The following ANO1 variants were observed in gnomAD, a reference collection of about 807,000 sequenced individuals.
The protein encoded by ANO1 is anoctamin-1.
A neutral mutation model predicts 124.0 loss-of-function variants in ANO1; 59 were observed. The observed-to-expected ratio is 0.48, with a 90% CI of 0.39 to 0.59. The LOEUF (loss-of-function observed/expected upper bound fraction) is 0.59. Among genes scored for constraint, ANO1 ranks in the 20% least tolerant of loss-of-function variants. ANO1 has a pLI of 0.00. For missense variants in ANO1, 1,059 were observed against 1,328.0 expected (o/e 0.80, Z 3.15); for synonymous variants, 529 against 532.0 (o/e 0.99, Z 0.08).
At chr11:70,046,077 G>A (rs1857255961) in intron 1 of ANO1, among the ~76,000 whole-genome samples, 1 of 152,146 alleles carries the variant, frequency 6.6e-6, no homozygotes, top group Admixed American at 6.5e-5. Flanking sequence ...GGGCTGCAGA[G>A]GGATGAGCAA....
rs546779490 is a variant in ANO1, at chr11:70,165,323, C to T, written c.1951-147C>T. On this transcript the variant is annotated intron_variant, in intron 19 of 25. Coordinates refer to ENST00000355303, the MANE Select transcript of ANO1 (RefSeq NM_018043.7). Reference sequence around the variant, plus strand: ...AAGACCCTTTTTGCAAATAAGGCCACGTTCCCAGGTGGCGGGGATTAGAAC... The same window carrying T: ...AAGACCCTTTTTGCAAATAAGGCCATGTTCCCAGGTGGCGGGGATTAGAAC... 2.7e-5 allele frequency: 18 copies of T among 669,968 alleles called. No individual in the cohort carries two copies. The South Asian group carries it at 2.9e-4, about 11-fold the overall frequency. The allele number at this position is 669,968 out of a possible 1,614,324, so 41.5% of individuals were successfully genotyped here.
At chr11:70,065,218 C>T (rs1448240697) in intron 1 of ANO1, 1 of 152,324 alleles carries the variant, frequency 6.6e-6, no homozygotes, top group African/African-American at 2.4e-5. Flanking sequence ...AGCAGGTTGC[C>T]TTTGAGCCGG....
chr11:69,986,765 G>A (rs868967613), intron 1 of ANO1, among the ~76,000 whole-genome samples: 1 of 152,100 alleles, frequency 6.6e-6, no homozygotes, highest in East Asian at 1.9e-4. Flanking sequence ...GGATATTTTT[G>A]TACCAATAAT....
chr11:69,975,412 T>C, the ANO1 span, among the ~76,000 whole-genome samples: 5 of 152,296 alleles, frequency 3.3e-5, no homozygotes, highest in South Asian at 1.0e-3. Flanking sequence ...GTGGACCCAC[T>C]AACAGCCACA....
At chr11:70,174,835 C>T (rs554845719) in intron 22 of ANO1, among the ~76,000 whole-genome samples, 3 of 152,138 alleles carry the variant, frequency 2.0e-5, no homozygotes, top group East Asian at 3.9e-4. Context: ...CTGCAGTCCT[C>T]GGAAATTCTG....
At chr11:70,099,953 G>A (rs966668238) in intron 2 of ANO1, among the ~76,000 whole-genome samples, 4 of 152,134 alleles carry the variant, frequency 2.6e-5, no homozygotes, top group African/African-American at 4.8e-5. Flanking sequence ...TCATCTTGCC[G>A]GAGCCCCTGG....
chr11:70,122,185 G>C (rs1424022205), intron 8 of ANO1, among the ~76,000 whole-genome samples: 7 of 75,604 alleles, frequency 9.3e-5, no homozygotes, highest in African/African-American at 1.1e-4. Context: ...CTCTCTGTCT[G>C]TCTTTCTGTC....
chr11:70,131,446 GCCTCCC>G (rs2046755332), intron 10 of ANO1, among the ~76,000 whole-genome samples: 1 of 152,130 alleles, frequency 6.6e-6, no homozygotes, highest in Admixed American at 6.5e-5. Flanking sequence ...TTCTGCCTCA[GCCTCCC>G]GAGTAGCTGG....
chr11:70,084,418 C>T (rs192794917), intron 1 of ANO1, among the ~76,000 whole-genome samples: 3 of 152,126 alleles, frequency 2.0e-5, no homozygotes, highest in Admixed American at 6.5e-5. Flanking sequence ...GGTGCCTGGC[C>T]CCAGAATTAG....
chr11:70,175,990 C>T (rs961028215), intron 22 of ANO1, among the ~76,000 whole-genome samples: 20 of 152,130 alleles, frequency 1.3e-4, no homozygotes, highest in Non-Finnish European at 2.6e-4. Flanking sequence ...ACACAGCCCT[C>T]AGGAGGTCCT....
chr11:70,011,461 C>G (rs537479777), intron 1 of ANO1, among the ~76,000 whole-genome samples: 3 of 152,290 alleles, frequency 2.0e-5, no homozygotes, highest in African/African-American at 7.2e-5. Context: ...TTCCCACACA[C>G]CCAGGTACTC....
intron 24 of ANO1, among the ~76,000 whole-genome samples, chr11:70,184,865 G>A (rs1419578067): frequency 2.6e-5 from 4 of 152,100 alleles, no homozygotes; most frequent in Non-Finnish European, 1.5e-5. Context: ...TCCCACCTCA[G>A]CCTCCCGAGT....
At chr11:70,019,260 C>T in intron 1 of ANO1, among the ~76,000 whole-genome samples, 1 of 134,506 alleles carries the variant, frequency 7.4e-6, no homozygotes, top group South Asian at 2.5e-4. Flanking sequence ...CACACACACA[C>T]ACATTCACTC....
chr11:70,118,576 AGATGGATG>A (rs56391691), intron 8 of ANO1, among the ~76,000 whole-genome samples: 57 of 138,256 alleles, frequency 4.1e-4, no homozygotes, highest in East Asian at 1.8e-3. Context: ...ATGGATGGAT[AGATGGATG>A]GATGGATGGA....
At chr11:69,995,280 G>T (rs1554998232) in intron 1 of ANO1, among the ~76,000 whole-genome samples, 1 of 151,938 alleles carries the variant, frequency 6.6e-6, no homozygotes. Context: ...TGTATTTTTA[G>T]TAGAGATGGG....
chr11:70,103,176 T>C lies in ANO1; in HGVS notation c.540+12T>C, dbSNP rs377194773. The C allele has an allele frequency of 1.2e-6, 2 of 1,602,976 alleles. No homozygotes were observed. Among genetic ancestry groups the C allele is most frequent in the Non-Finnish European group, 1.7e-6 (2 of 1,174,226 alleles). On this transcript the variant is annotated intron_variant, in intron 3 of 25. Transcript: ENST00000355303. ...TGCCGACGAAGAAGGTTGGTGTTGA[T>C]GGTCCTGCTCCGAAATGAATCGCCA...
chr11:69,982,414 C>T (rs1379481733), upstream of ANO1, among the ~76,000 whole-genome samples: 2 of 152,220 alleles, frequency 1.3e-5, no homozygotes, highest in Admixed American at 1.3e-4. Context: ...CCGGTTGCCC[C>T]AGGGCAGGGG....
chr11:70,143,697 G>A (rs1174390864), intron 11 of ANO1, among the ~76,000 whole-genome samples: 2 of 152,078 alleles, frequency 1.3e-5, no homozygotes, highest in African/African-American at 4.8e-5. Context: ...TGGACAGATT[G>A]CCCCCCGCCA....
Position 69,987,211 on chromosome 11 carries a change from G to A in ANO1, c.58+1045G>A, listed in dbSNP as rs550330283. Among the ~76,000 whole-genome samples, 10 of 152,254 alleles carry A rather than the reference G, an allele frequency of 6.6e-5. No homozygotes were observed. In the South Asian group the frequency reaches 1.9e-3, roughly 28 times the overall value. On this transcript the variant is annotated intron_variant, in intron 1 of 27. Transcript: ENST00000531349. ...GGCAAAAAACCTGGGCGCTGAAGTGGGCCACCAGGGCCTACTCTTGTGCGG... is the reference window on the plus strand; with the variant it reads ...GGCAAAAAACCTGGGCGCTGAAGTGAGCCACCAGGGCCTACTCTTGTGCGG...
Sources: gnomAD v4.1 joint callset for allele counts (sites outside exome capture counted in the v4.1 genomes callset) on GRCh38, gnomAD v4.1.1 for gene constraint, MANE v1.5 for transcripts, NCBI Gene and HGNC (gene_info 2026-07-23, HGNC 2026-07-21) for gene names.